Variants in NOS1 observed in about 807,000 individuals in gnomAD.
The protein encoded by NOS1 is nitric oxide synthase 1.
Under a neutral mutation model 164.5 loss-of-function variants are expected in NOS1, and 51 were observed. That is an observed-to-expected ratio of 0.31 (90% CI 0.25 to 0.39). The LOEUF is 0.39. Among genes scored for constraint, NOS1 ranks in the 10% least tolerant of loss-of-function variants. NOS1 has a pLI of 1.00. For synonymous variants in NOS1, 719 were observed against 745.8 expected (o/e 0.96, Z 0.59); for missense variants, 1,362 against 1,885.6 (o/e 0.72, Z 5.14).
chr12:117,338,058 T>C (rs1241213247), intron 1 of NOS1, among the ~76,000 whole-genome samples: 1 of 151,718 alleles, frequency 6.6e-6, no homozygotes, highest in Non-Finnish European at 1.5e-5. Flanking sequence ...CTACTAAAAA[T>C]ACAAAAAAGT....
chr12:117,212,797 G>T lies in NOS1; in HGVS notation c.*2512C>A. On this transcript the variant is annotated 3_prime_UTR_variant, in exon 29 of 29. Coordinates refer to ENST00000317775, the MANE Select transcript of NOS1 (RefSeq NM_000620.5). ...GGCAGTATTTCCCCACCCTTGATCT[G>T]AGCCTAACAATCTGGACTCCACTCT... is the stretch of plus-strand genomic sequence containing the variant. 1 of 985,438 alleles carries T rather than the reference G, an allele frequency of 1.0e-6. No homozygotes were observed. The highest frequency in any genetic ancestry group is 1.2e-6 in the Non-Finnish European group (1 of 829,934). The allele number at this position is 985,438 out of a possible 1,614,324, so 61.0% of individuals were successfully genotyped here. A position where few individuals can be genotyped will look rare whatever the true frequency, so the allele number is the denominator to read the frequency against.
Position 117,211,793 on chromosome 12 carries a change from T to G in NOS1, c.*3516A>C. The G allele has an allele frequency of 1.0e-6, 1 of 985,334 alleles. No homozygotes were observed. The highest frequency in any genetic ancestry group is 1.2e-6 in the Non-Finnish European group (1 of 829,948). The allele number at this position is 985,334 out of a possible 1,614,324, so 61.0% of individuals were successfully genotyped here. A position where few individuals can be genotyped will look rare whatever the true frequency, so the allele number is the denominator to read the frequency against. ...TCAGATTATAACCTTTGGCTGGGCG[T>G]GGTGGCTCATGCCTGTAATCCAGCA... On this transcript the variant is annotated 3_prime_UTR_variant, in exon 29 of 29. Coordinates refer to ENST00000317775, the MANE Select transcript of NOS1 (RefSeq NM_000620.5).
Position 117,308,727 on chromosome 12 carries a change from G to A in NOS1, c.852+2739C>T, listed in dbSNP as rs544071839. Among the ~76,000 whole-genome samples, 174 of 151,956 alleles carry A rather than the reference G, an allele frequency of 1.1e-3. 2 individuals carry two copies. Among genetic ancestry groups the A allele is most frequent in the African/African-American group, 4.0e-3 (166 of 41,434 alleles). Reference sequence around the variant, plus strand: ...TTCTCCTGCCTCAGCCTCCTGAGTAGCTGGGATTACAGGCACCCGCCACCA... The same window carrying A: ...TTCTCCTGCCTCAGCCTCCTGAGTAACTGGGATTACAGGCACCCGCCACCA... On this transcript the variant is annotated intron_variant, in intron 3 of 28. Coordinates refer to ENST00000317775, the MANE Select transcript of NOS1 (RefSeq NM_000620.5).
At position 117,247,388 on chromosome 12, in the gene NOS1, T is replaced by C; in HGVS notation, c.2783A>G (p.Gln928Arg). The change falls in exon 18 of 29, where the codon CAG (glutamine) becomes CGG (arginine). Residue 928 changes from glutamine to arginine, a missense_variant. Physicochemically the swap from Gln to Arg is conservative, Grantham distance 43. Coordinates refer to ENST00000317775, the MANE Select transcript of NOS1 (RefSeq NM_000620.5). ...GGCCCAGGTCCTGAAAGCCTCTTCCTGCCCACAGAGCTCATCCCCTTCCCT... is the reference window on the plus strand; with the variant it reads ...GGCCCAGGTCCTGAAAGCCTCTTCCCGCCCACAGAGCTCATCCCCTTCCCT... ...KMREGDELCGQEEAFRTWAKK... is the reference protein window; with the variant it reads ...KMREGDELCGREEAFRTWAKK... 6.2e-7 allele frequency: 1 copy of C among 1,608,820 alleles called. No homozygotes were observed. Among genetic ancestry groups the C allele is most frequent in the Non-Finnish European group, 8.5e-7 (1 of 1,177,916 alleles).
chr12:117,340,751 A>G (rs1017298793), intron 1 of NOS1, among the ~76,000 whole-genome samples: 1 of 145,744 alleles, frequency 6.9e-6, no homozygotes, highest in Non-Finnish European at 1.5e-5. Flanking sequence ...TTGAGACGTA[A>G]TCTTGCTCTG....
intron 7 of NOS1, 85 bp downstream of exon 7, chr12:117,285,156 G>A: frequency 1.4e-6 from 1 of 722,254 alleles, no homozygotes; most frequent in Middle Eastern, 2.9e-4. Context: ...CATTTCCCTG[G>A]CAGGTGAGCT....
At chr12:117,322,382 G>A (rs1452805329) in intron 2 of NOS1, among the ~76,000 whole-genome samples, 4 of 81,704 alleles carry the variant, frequency 4.9e-5, no homozygotes, top group Admixed American at 1.8e-4. Flanking sequence ...CCCCTCCCTC[G>A]TTCGTTCTCT....
chr12:117,268,155 A>T lies in NOS1; in HGVS notation c.1840-11T>A, dbSNP rs770109877. 6.3e-7 allele frequency: 1 copy of T among 1,579,564 alleles called. No homozygotes were observed. Among genetic ancestry groups the T allele is most frequent in the Non-Finnish European group, 8.7e-7 (1 of 1,148,538 alleles). On this transcript the variant is annotated splice_polypyrimidine_tract_variant and intron_variant, in intron 10 of 28. Transcript: ENST00000317775. ...CTTCTTGGCCACTTCCTGAAAGAGGAAGGAAACACAGATATACAGGCTGGG... is the reference window on the plus strand; with the variant it reads ...CTTCTTGGCCACTTCCTGAAAGAGGTAGGAAACACAGATATACAGGCTGGG...
At chr12:117,265,670 C>T (rs868569878) in intron 11 of NOS1, among the ~76,000 whole-genome samples, 160 bp from the exon 12 acceptor site, 50 of 152,316 alleles carry the variant, frequency 3.3e-4, no homozygotes, top group African/African-American at 1.0e-3. Context: ...TTGTCCAGTC[C>T]TTCCACTTAG....
At chr12:117,281,031 C>T (rs1353028567) in intron 7 of NOS1, among the ~76,000 whole-genome samples, 165 bp from the exon 8 acceptor site, 1 of 152,106 alleles carries the variant, frequency 6.6e-6, no homozygotes, top group Non-Finnish European at 1.5e-5. Context: ...AGGGATGGGC[C>T]GTGCTCTGTT....
At chr12:117,230,763 C>A (rs754800527) in intron 22 of NOS1, among the ~76,000 whole-genome samples, 71 of 152,316 alleles carry the variant, frequency 4.7e-4, no homozygotes, top group Middle Eastern at 3.4e-3. Context: ...CTCTAATAGT[C>A]CCCCCTGCAG....
At chr12:117,276,303 G>A (rs1317919448) in intron 9 of NOS1, among the ~76,000 whole-genome samples, 4 of 151,290 alleles carry the variant, frequency 2.6e-5, no homozygotes, top group African/African-American at 9.7e-5. Context: ...TTTTTTTTGA[G>A]ATGGGGTCTT....
intron 16 of NOS1, among the ~76,000 whole-genome samples, chr12:117,256,196 A>C (rs1239413863): frequency 6.6e-6 from 1 of 151,614 alleles, no homozygotes; most frequent in Non-Finnish European, 1.5e-5. Context: ...ACCACAAAGG[A>C]CTCAGCAACG....
chr12:117,210,297 G>A lies in NOS1; in HGVS notation c.*5012C>T, dbSNP rs1055444798. 1 of 985,276 alleles carries A rather than the reference G, an allele frequency of 1.0e-6. No homozygotes were observed. Among genetic ancestry groups the A allele is most frequent in the Non-Finnish European group, 1.2e-6 (1 of 829,946 alleles). The allele number at this position is 985,276 out of a possible 1,614,324, so 61.0% of individuals were successfully genotyped here. On this transcript the variant is annotated 3_prime_UTR_variant, in exon 29 of 29. Transcript: ENST00000317775. ...CTGGCCTACTTTTTGAGCCAAAGAG[G>A]ACATTTGGATGCAGGAGACTATGAA...
chr12:117,285,282 G>T lies in NOS1; in HGVS notation c.1341C>A (p.Ile447=). 6.2e-7 allele frequency: 1 copy of T among 1,611,566 alleles called. No individual in the cohort carries two copies. Among genetic ancestry groups the T allele is most frequent in the South Asian group, 1.1e-5 (1 of 90,916 alleles). ...CTTAHGMFNY[I]CNHVKYATNK... is the part of the protein sequence containing the mutation. Reference sequence around the variant, plus strand: ...TGGTGGCATACTTGACATGGTTACAGATGTAGTTGAACATCCCGTGGGCCG... The same window carrying T: ...TGGTGGCATACTTGACATGGTTACATATGTAGTTGAACATCCCGTGGGCCG... Residue 447 remains isoleucine, a synonymous_variant, in exon 7 of 29, where the codon ATC becomes ATA. Coordinates refer to ENST00000317775, the MANE Select transcript of NOS1 (RefSeq NM_000620.5).
intron 3 of NOS1, among the ~76,000 whole-genome samples, chr12:117,303,498 A>G (rs1432420765): frequency 2.6e-5 from 4 of 152,112 alleles, no homozygotes; most frequent in Admixed American, 2.6e-4. Flanking sequence ...TGATCTCTCT[A>G]TCTGATCACC....
rs181350497 is a variant in NOS1 at position 117,342,929 on chromosome 12, G to A, written c.-420-11440C>T. Among the ~76,000 whole-genome samples, 79 of 152,196 alleles carry A rather than the reference G, an allele frequency of 5.2e-4. 1 individual carries two copies. Among genetic ancestry groups the A allele is most frequent in the Admixed American group, 4.5e-3 (69 of 15,274 alleles). ...GTCAACAAGATTTGGTGACTAATTG[G>A]ATACAGAAGCTAACGGAGAAGGAGG... On this transcript the variant is annotated intron_variant, in intron 1 of 28. Transcript: ENST00000317775.
chr12:117,256,557 C>A (rs1871472686), intron 16 of NOS1, among the ~76,000 whole-genome samples: 1 of 151,636 alleles, frequency 6.6e-6, no homozygotes, highest in South Asian at 2.1e-4. Flanking sequence ...GGATTACAGG[C>A]ATGAGCCACT....
chr12:117,213,644 C>G lies in NOS1; in HGVS notation c.*1665G>C. On this transcript the variant is annotated 3_prime_UTR_variant, in exon 29 of 29. Coordinates refer to ENST00000317775, the MANE Select transcript of NOS1 (RefSeq NM_000620.5). ...CAGTGCACTTCCTCTTTAGCAGACA[C>G]CCAAACTGAACAACAAGATATGCCC... is the stretch of plus-strand genomic sequence containing the variant. 1.0e-6 allele frequency: 1 copy of G among 985,446 alleles called. No homozygotes were observed. Among genetic ancestry groups the G allele is most frequent in the South Asian group, 4.7e-5 (1 of 21,288 alleles). The allele number at this position is 985,446 out of a possible 1,614,324, so 61.0% of individuals were successfully genotyped here.
Sources: allele counts gnomAD v4.1 joint callset (sites outside exome capture counted in the v4.1 genomes callset), GRCh38; gene constraint gnomAD v4.1.1; transcripts MANE v1.5; gene names NCBI Gene and HGNC (gene_info 2026-07-23, HGNC 2026-07-21).